The following ABCC8 variants were observed in gnomAD, a reference collection of about 807,000 sequenced individuals.
The protein encoded by ABCC8 is ATP-binding cassette sub-family C member 8.
A neutral mutation model predicts 188.0 loss-of-function variants in ABCC8; 137 were observed. The observed-to-expected ratio is 0.73, with a 90% CI of 0.63 to 0.84. The LOEUF is 0.84. ABCC8 is among the 40% of genes least tolerant of loss of function. ABCC8 has a pLI of 0.00. For missense variants in ABCC8, 1,750 were observed against 2,072.7 expected (o/e 0.84, Z 3.02); for synonymous variants, 797 against 846.5 (o/e 0.94, Z 1.01).
At chr11:17,448,315 T>C in intron 8 of ABCC8, 1 of 607,406 alleles carries the variant, frequency 1.6e-6, no homozygotes, top group Non-Finnish European at 3.0e-6. Context: ...CCTTCTCTGG[T>C]CATTAAGAGA....
At chr11:17,440,526 C>G (rs929434112) in intron 10 of ABCC8, among the ~76,000 whole-genome samples, 2 of 152,070 alleles carry the variant, frequency 1.3e-5, no homozygotes, top group South Asian at 4.2e-4. Context: ...ACCACAGGGT[C>G]AGGGATGAGG....
In ABCC8 at chr11:17,410,619, C is replaced by T; in HGVS notation, c.2591G>A (p.Ser864Asn). 6.2e-7 allele frequency: 1 copy of T among 1,614,110 alleles called. No individual in the cohort carries two copies. The highest frequency in any genetic ancestry group is 8.5e-7 in the Non-Finnish European group (1 of 1,180,034). The change falls in exon 22 of 39, where the codon AGT (serine) becomes AAT (asparagine). Residue 864 changes from serine (S) to asparagine (N), a missense_variant. Ser to Asn is a conservative substitution (Grantham distance 46). Coordinates refer to ENST00000389817, the MANE Select transcript of ABCC8 (RefSeq NM_000352.6). Reference sequence around the variant, plus strand: ...GATGCCGGCCTGCATTAAGTGGTCACTCAGATGGATATCCAGAGCTGAGAA... The same window carrying T: ...GATGCCGGCCTGCATTAAGTGGTCATTCAGATGGATATCCAGAGCTGAGAA... ...DPFSALDIHL[S>N]DHLMQAGILE...
chr11:17,413,630 G>A (rs957194173), intron 19 of ABCC8, 152 bp from the exon 20 acceptor site: 12 of 1,497,290 alleles, frequency 8.0e-6, no homozygotes, highest in Non-Finnish European at 1.1e-5. Flanking sequence ...AACACCGTGT[G>A]AGCTTGAAAA....
In ABCC8 at chr11:17,404,351, G is replaced by A. The variant is rs1298071812; in HGVS notation, c.3557+161C>T. ...GTTGGCAGACTATTATATTAGGGCG[G>A]TGGAATAAGATGTGGATATTTCTAT... is the stretch of plus-strand genomic sequence containing the variant. On this transcript the variant is annotated intron_variant, in intron 28 of 38. Transcript: ENST00000389817. The surrounding 1 kb of genome is among the most constrained non-coding windows in gnomAD (Gnocchi z 4.7). 6.6e-6 allele frequency among the ~76,000 whole-genome samples: 1 copy of A among 152,166 alleles called. No individual in the cohort carries two copies. The highest frequency in any genetic ancestry group is 1.5e-5 in the Non-Finnish European group (1 of 68,024).
intron 29 of ABCC8, among the ~76,000 whole-genome samples, chr11:17,399,615 T>C (rs1954132554): frequency 6.6e-6 from 1 of 152,194 alleles, no homozygotes. Flanking sequence ...GTTTCCCCTA[T>C]TATTGTCTGC....
chr11:17,400,906 C>T (rs754290107), intron 29 of ABCC8, among the ~76,000 whole-genome samples: 1 of 152,236 alleles, frequency 6.6e-6, no homozygotes, highest in African/African-American at 2.4e-5. Context: ...GCTAATAGCT[C>T]TCAACAGGCT....
rs1007498516 is a variant in ABCC8 at position 17,461,574 on chromosome 11, C to T, written c.822+9G>A. On this transcript the variant is annotated intron_variant, in intron 5 of 38. Transcript: ENST00000389817. ...AGTGAATAGATGGTGTGGCTGTGCCCCCACTGACCACCTGGGCGTCAAAGG... is the reference window on the plus strand; with the variant it reads ...AGTGAATAGATGGTGTGGCTGTGCCTCCACTGACCACCTGGGCGTCAAAGG... The T allele has an allele frequency of 5.6e-6, 9 of 1,614,190 alleles. No homozygotes were observed. The highest frequency in any genetic ancestry group is 6.8e-6 in the Non-Finnish European group (8 of 1,180,046).
chr11:17,459,313 G>T (rs1452306019), intron 6 of ABCC8, among the ~76,000 whole-genome samples: 4 of 152,202 alleles, frequency 2.6e-5, no homozygotes, highest in Admixed American at 2.6e-4. Flanking sequence ...GTAAGTGGCT[G>T]TTAATATTGT....
At chr11:17,450,252 CTTTCTTTCTCTTT>C (rs1956715363) in intron 7 of ABCC8, among the ~76,000 whole-genome samples, 2 of 52,436 alleles carry the variant, frequency 3.8e-5, no homozygotes, top group African/African-American at 1.6e-4. Flanking sequence ...CTTTTTCTTT[CTTTCTTTCTCTTT>C]CTTTCTTTCT....
At chr11:17,432,457 C>A in intron 10 of ABCC8, 1 of 1,004,066 alleles carries the variant, frequency 1.0e-6, no homozygotes, top group Non-Finnish European at 1.4e-6. Context: ...CGGCCCCCGA[C>A]TCTGGGGCTT....
At chr11:17,459,920 T>A (rs1364542967) in intron 6 of ABCC8, among the ~76,000 whole-genome samples, 5 of 152,238 alleles carry the variant, frequency 3.3e-5, no homozygotes, top group Admixed American at 3.3e-4. Flanking sequence ...TGGAAACTTT[T>A]CTTAAAAAAG....
At chr11:17,448,342 A>G in intron 8 of ABCC8, 174 bp downstream of exon 8, 1 of 658,426 alleles carries the variant, frequency 1.5e-6, no homozygotes, top group Non-Finnish European at 2.8e-6. Context: ...CAGTGCTTGC[A>G]GAGTATGGGA....
chr11:17,432,265 G>C, intron 10 of ABCC8, 21 bp from the exon 11 acceptor site: 1 of 1,551,972 alleles, frequency 6.4e-7, no homozygotes, highest in South Asian at 1.2e-5. Context: ...AGCACAGGGA[G>C]GCGTTTAGTG....
chr11:17,474,924 G>A lies in ABCC8; in HGVS notation c.252C>T (p.Val84=). The change falls in exon 2 of 39, where the codon GTC becomes GTT. Residue 84 remains valine (V), a synonymous_variant. Transcript: ENST00000389817. ...RWILTFMLLF[V]LVCEIAEGIL... is the part of the protein sequence containing the mutation. The stretch of plus-strand genomic sequence containing the variant: ...TGCCCTCTGCAATCTCACACACCAG[G>A]ACGAAGAGCAGCATGAAGGTCAGGA... The A allele has an allele frequency of 6.2e-7, 1 of 1,614,208 alleles. No individual in the cohort carries two copies. The highest frequency in any genetic ancestry group is 8.5e-7 in the Non-Finnish European group (1 of 1,180,040).
intron 12 of ABCC8, 94 bp from the exon 13 acceptor site, chr11:17,428,764 C>G (rs1366461938): frequency 3.8e-5 from 60 of 1,566,830 alleles, no homozygotes; most frequent in Non-Finnish European, 4.9e-5. Context: ...AGCAGGATCT[C>G]AGGCCTGAAG....
intron 21 of ABCC8, 88 bp from the exon 22 acceptor site, chr11:17,410,741 T>G: frequency 6.4e-7 from 1 of 1,572,902 alleles, no homozygotes; most frequent in Non-Finnish European, 8.7e-7. Context: ...ATTAGAGTTC[T>G]ATCAACTCTG....
chr11:17,393,118 T>G lies in ABCC8; in HGVS notation c.4619A>C (p.His1540Pro). 1 of 1,612,292 alleles carries G rather than the reference T, an allele frequency of 6.2e-7. No individual in the cohort carries two copies. The highest frequency in any genetic ancestry group is 8.5e-7 in the Non-Finnish European group (1 of 1,179,278). Residue 1540 changes from histidine (H) to proline (P), a missense_variant, in exon 39 of 39, where the codon CAC becomes CCC. By Grantham distance (77) the His-to-Pro change is moderately conservative (BLOSUM62 -2). Transcript: ENST00000389817. ...RTVVTIAHRV[H>P]TILSADLVIV... is the part of the protein sequence containing the mutation. ...CACCAGGTCTGCACTCAGGATGGTG[T>G]GCACTCGATGCTGGGCAGGGCAGGA... is the stretch of plus-strand genomic sequence containing the variant.
intron 29 of ABCC8, among the ~76,000 whole-genome samples, chr11:17,400,764 T>C (rs1954199531): frequency 6.6e-6 from 1 of 152,190 alleles, no homozygotes; most frequent in Admixed American, 6.5e-5. Flanking sequence ...CCTCTCTGGG[T>C]CTCGCTTCTG....
rs1461861110 is a variant in ABCC8, at chr11:17,410,473, C to T, written c.2694+43G>A. 3 of 1,607,380 alleles carry T rather than the reference C, an allele frequency of 1.9e-6. No individual in the cohort carries two copies. The South Asian group carries it at 3.3e-5, about 18-fold the overall frequency. On this transcript the variant is annotated intron_variant, in intron 22 of 38. Transcript: ENST00000389817. ...CCTGCCAAGATGCCTGACAGCCTCC[C>T]CAGCCCTGCCCCCTATAGCCTGACC... is the stretch of plus-strand genomic sequence containing the variant.
Sources: gnomAD v4.1 joint callset for allele counts (sites outside exome capture counted in the v4.1 genomes callset) on GRCh38, gnomAD v4.1.1 for gene constraint, Gnocchi (gnomAD v3.1) non-coding constraint, MANE v1.5 for transcripts, NCBI Gene and HGNC (gene_info 2026-07-23, HGNC 2026-07-21) for gene names.